The following OLFM3 variants were observed in gnomAD, a reference collection of about 807,000 sequenced individuals.
The protein encoded by OLFM3 is noelin-3.
OLFM3 carries 20 observed loss-of-function variants against 48.6 expected under a neutral mutation model. The observed-to-expected ratio is 0.41, with a 90% confidence interval of 0.29 to 0.60. The LOEUF is 0.60. Among genes scored for constraint, OLFM3 ranks in the 20% least tolerant of loss-of-function variants. OLFM3 has a pLI of 0.28. For synonymous variants in OLFM3, 222 were observed against 198.1 expected (o/e 1.12, Z -1.01); for missense variants, 437 against 544.3 (o/e 0.80, Z 1.96).
chr1:101,881,786 T>A (rs1170610450), intron 1 of OLFM3, among the ~76,000 whole-genome samples: 1 of 151,590 alleles, frequency 6.6e-6, no homozygotes, highest in Non-Finnish European at 1.5e-5. Context: ...TGAAGTGATT[T>A]TTTTTTTTTA....
intron 1 of OLFM3, among the ~76,000 whole-genome samples, chr1:101,952,471 G>A (rs541840296): frequency 6.6e-6 from 1 of 152,036 alleles, no homozygotes; most frequent in African/African-American, 2.4e-5. Context: ...ATGACTAATA[G>A]AATCAATGCT....
At chr1:101,824,883 T>C (rs1654783017) in intron 4 of OLFM3, 143 bp downstream of exon 4, 1 of 685,814 alleles carries the variant, frequency 1.5e-6, no homozygotes, top group Admixed American at 2.6e-5. Context: ...GCTTAAGTCA[T>C]TAGGGGACAC....
chr1:101,956,789 C>T (rs1295846158), intron 1 of OLFM3, among the ~76,000 whole-genome samples: 1 of 151,720 alleles, frequency 6.6e-6, no homozygotes, highest in Admixed American at 6.6e-5. Context: ...GACAGATTTC[C>T]CCAAACATAA....
chr1:101,896,167 A>C (rs1336663364), intron 1 of OLFM3, among the ~76,000 whole-genome samples: 1 of 152,118 alleles, frequency 6.6e-6, no homozygotes, highest in African/African-American at 2.4e-5. Context: ...CAATTTAAAT[A>C]ACATTAACAT....
intron 1 of OLFM3, among the ~76,000 whole-genome samples, chr1:101,883,776 G>A (rs1177442090): frequency 1.3e-5 from 2 of 151,764 alleles, no homozygotes; most frequent in East Asian, 1.9e-4. Context: ...TCTCAAGAAC[G>A]TATACTTTTA....
intron 1 of OLFM3, among the ~76,000 whole-genome samples, chr1:101,864,166 G>A (rs1656768528): frequency 6.6e-6 from 1 of 151,494 alleles, no homozygotes; most frequent in Non-Finnish European, 1.5e-5. Flanking sequence ...AGTGATGTCA[G>A]TATAATGTGA....
intron 1 of OLFM3, among the ~76,000 whole-genome samples, chr1:101,937,086 A>G (rs1659644989): frequency 6.6e-6 from 1 of 152,198 alleles, no homozygotes; most frequent in Non-Finnish European, 1.5e-5. Context: ...ACCAAAAGCA[A>G]TTGCAACAAA....
At chr1:101,812,104 A>T (rs963344177) in intron 4 of OLFM3, among the ~76,000 whole-genome samples, 6 of 151,524 alleles carry the variant, frequency 4.0e-5, no homozygotes, top group African/African-American at 7.3e-5. Flanking sequence ...CAAACACCAC[A>T]TGTTCTCACT....
intron 1 of OLFM3, among the ~76,000 whole-genome samples, chr1:101,867,099 C>T (rs144056892): frequency 8.4e-4 from 128 of 152,182 alleles, no homozygotes; most frequent in African/African-American, 2.7e-3. Context: ...ATTGCCTATA[C>T]GTTAAATAGG....
At chr1:101,991,549 G>A (rs1481786816) in intron 1 of OLFM3, among the ~76,000 whole-genome samples, 1 of 151,872 alleles carries the variant, frequency 6.6e-6, no homozygotes, top group Non-Finnish European at 1.5e-5. Flanking sequence ...AACAGAATAT[G>A]TGCTACGTTT....
At chr1:101,867,968 A>G (rs1160849765) in intron 1 of OLFM3, among the ~76,000 whole-genome samples, 1 of 152,178 alleles carries the variant, frequency 6.6e-6, no homozygotes, top group African/African-American at 2.4e-5. Flanking sequence ...CAATTTGCCC[A>G]GCTCTCATTC....
At chr1:101,939,074 TA>T (rs540651110) in intron 1 of OLFM3, among the ~76,000 whole-genome samples, 101 of 151,564 alleles carry the variant, frequency 6.7e-4, no homozygotes, top group Admixed American at 1.6e-3. Context: ...CTGCAATGCT[TA>T]AAAAAAAATC....
At chr1:101,851,135 T>C (rs1656207152) in intron 1 of OLFM3, among the ~76,000 whole-genome samples, 1 of 152,118 alleles carries the variant, frequency 6.6e-6, no homozygotes, top group Admixed American at 6.6e-5. Context: ...CTGGATACCC[T>C]GGATGGGGTG....
Position 101,944,992 on chromosome 1 carries a change from A to G in OLFM3, c.69+51756T>C, listed in dbSNP as rs147195454. Among the ~76,000 whole-genome samples the G allele has an allele frequency of 3.8e-3, 576 of 152,356 alleles. 4 individuals carry two copies. The highest frequency in any genetic ancestry group is 0.013 in the African/African-American group (532 of 41,572). Reference sequence around the variant, plus strand: ...AAACAGAAATTGAAACTACAATGATATACCACTACACACATTTAGAATACA... The same window carrying G: ...AAACAGAAATTGAAACTACAATGATGTACCACTACACACATTTAGAATACA... On this transcript the variant is annotated intron_variant, in intron 1 of 5. Coordinates refer to ENST00000370103, the MANE Select transcript of OLFM3 (RefSeq NM_058170.4).
chr1:101,807,444 T>C (rs1653828245), intron 4 of OLFM3, among the ~76,000 whole-genome samples: 1 of 151,794 alleles, frequency 6.6e-6, no homozygotes, highest in Non-Finnish European at 1.5e-5. Context: ...GATCAATTTC[T>C]ATTAGTTCCT....
chr1:101,975,306 A>G (rs1660922592), intron 1 of OLFM3, among the ~76,000 whole-genome samples: 1 of 152,204 alleles, frequency 6.6e-6, no homozygotes, highest in East Asian at 1.9e-4. Flanking sequence ...ACACACATGC[A>G]TTTAGTTTTA....
intron 1 of OLFM3, among the ~76,000 whole-genome samples, chr1:101,870,823 T>A (rs1444062644): frequency 6.6e-6 from 1 of 152,080 alleles, no homozygotes; most frequent in Non-Finnish European, 1.5e-5. Context: ...CTTCCCCACA[T>A]GCTGTGGGAA....
chr1:101,861,164 C>T (rs778670401), intron 1 of OLFM3, among the ~76,000 whole-genome samples: 2 of 152,052 alleles, frequency 1.3e-5, no homozygotes, highest in African/African-American at 4.8e-5. Flanking sequence ...CGGGTTCAAG[C>T]GATTCTCCTG....
intron 1 of OLFM3, among the ~76,000 whole-genome samples, chr1:101,906,832 T>C (rs1163827111): frequency 6.6e-6 from 1 of 152,158 alleles, no homozygotes; most frequent in African/African-American, 2.4e-5. Flanking sequence ...TATGAATCAT[T>C]CACATACAAG....
Sources: gnomAD v4.1 joint callset for allele counts (sites outside exome capture counted in the v4.1 genomes callset) on GRCh38, gnomAD v4.1.1 for gene constraint, MANE v1.5 for transcripts, NCBI Gene and HGNC (gene_info 2026-07-23, HGNC 2026-07-21) for gene names.